BCLAF3: variants seen among roughly 807,000 people sequenced by gnomAD.
BCLAF3 encodes transient octamer binding factor 1.
In BCLAF3, 24 loss-of-function variants were observed where a neutral mutation model predicts 51.2. The observed-to-expected ratio is 0.47, with a 90% CI of 0.34 to 0.66. The LOEUF (loss-of-function observed/expected upper bound fraction) is 0.66, where lower values mean the gene tolerates loss of function less well. BCLAF3 is among the 30% of genes least tolerant of loss of function. The pLI is 0.01. For synonymous variants in BCLAF3, 152 were observed against 176.6 expected (o/e 0.86, Z 1.10); for missense variants, 465 against 525.1 (o/e 0.89, Z 1.12).
chrX:19,935,661 C>T, intron 10 of BCLAF3, 148 bp downstream of exon 10: 2 of 484,451 alleles, frequency 4.1e-6, no homozygotes, highest in East Asian at 3.5e-5. Flanking sequence ...AAATTGGTTA[C>T]AGTTAACTAT....
At chrX:19,938,192 C>T (rs767142092) in intron 8 of BCLAF3, among the ~76,000 whole-genome samples, 4 of 111,058 alleles carry the variant, frequency 3.6e-5, no homozygotes, top group African/African-American at 6.5e-5. Flanking sequence ...GATTCCTCTC[C>T]GTGTCACATC....
chrX:19,944,102 C>G (rs1413121807), intron 8 of BCLAF3, among the ~76,000 whole-genome samples: 39 of 54,626 alleles, frequency 7.1e-4, no homozygotes, highest in Non-Finnish European at 1.1e-3. Flanking sequence ...GCAACCCCTG[C>G]CTTTTTTTGT....
chrX:19,938,338 CT>C (rs1457829163), intron 8 of BCLAF3, among the ~76,000 whole-genome samples: 1 of 111,579 alleles, frequency 9.0e-6, no homozygotes, highest in African/African-American at 3.3e-5. Flanking sequence ...GCCCTTTCTG[CT>C]CTGGCCCTTG....
chrX:19,978,752 CTTATTTATTT>C (rs1461205547), intron 1 of BCLAF3, among the ~76,000 whole-genome samples: 2 of 91,154 alleles, frequency 2.2e-5, no homozygotes, highest in Non-Finnish European at 2.1e-5. Flanking sequence ...AGAGAAATCT[CTTATTTATTT>C]TTTTTTTGTC....
intron 4 of BCLAF3, among the ~76,000 whole-genome samples, chrX:19,964,714 T>C (rs191015780): frequency 9.0e-6 from 1 of 111,695 alleles, no homozygotes; most frequent in African/African-American, 3.2e-5. Context: ...GACTAGGTTT[T>C]CTTGAACTCT....
At chrX:19,933,252 T>C (rs760897592) in intron 10 of BCLAF3, among the ~76,000 whole-genome samples, 1 of 112,335 alleles carries the variant, frequency 8.9e-6, no homozygotes, top group Non-Finnish European at 1.9e-5. Context: ...TCCTAATATA[T>C]AGACATCTAA....
chrX:19,918,727 G>A (rs2070020033), intron 11 of BCLAF3, among the ~76,000 whole-genome samples: 1 of 107,344 alleles, frequency 9.3e-6, no homozygotes, highest in Non-Finnish European at 1.9e-5. Context: ...TTTTTGTAGA[G>A]ACAAGGTTTT....
intron 9 of BCLAF3, among the ~76,000 whole-genome samples, chrX:19,936,290 C>T (rs1459738645): frequency 1.8e-5 from 2 of 111,855 alleles, no homozygotes; most frequent in African/African-American, 6.5e-5. Context: ...AATACAAATC[C>T]TCAACATTGC....
intron 1 of BCLAF3, among the ~76,000 whole-genome samples, chrX:19,974,098 C>T (rs1033703729): frequency 2.7e-5 from 3 of 111,505 alleles, no homozygotes; most frequent in African/African-American, 9.8e-5. Flanking sequence ...CGCCAAAATC[C>T]GTGCATATCC....
intron 8 of BCLAF3, among the ~76,000 whole-genome samples, chrX:19,940,503 G>A (rs2070980670): frequency 9.1e-6 from 1 of 110,284 alleles, no homozygotes; most frequent in Non-Finnish European, 1.9e-5. Flanking sequence ...TCCCACCTAT[G>A]AGTGAGAATA....
chrX:19,982,290 A>G (rs2072636199), intron 1 of BCLAF3, among the ~76,000 whole-genome samples: 1 of 110,294 alleles, frequency 9.1e-6, no homozygotes, highest in African/African-American at 3.3e-5. Flanking sequence ...AACAACAACA[A>G]CAAACAAACA....
chrX:19,988,671 T>C (rs2072873547), intron 1 of BCLAF3, among the ~76,000 whole-genome samples: 1 of 112,385 alleles, frequency 8.9e-6, no homozygotes, highest in African/African-American at 3.2e-5. Flanking sequence ...TGTCTAAATG[T>C]ACTTTCCAGG....
intron 1 of BCLAF3, among the ~76,000 whole-genome samples, chrX:19,987,679 T>C (rs1569511509): frequency 8.9e-6 from 1 of 112,397 alleles, no homozygotes; most frequent in East Asian, 2.8e-4. Context: ...CAGTGACTGC[T>C]AGGGGGTAGG....
chrX:19,958,000 C>T (rs1004941164), intron 4 of BCLAF3, among the ~76,000 whole-genome samples: 1 of 111,306 alleles, frequency 9.0e-6, no homozygotes, highest in Non-Finnish European at 1.9e-5. Flanking sequence ...TCAGGAAATA[C>T]CCCCAAAGCA....
At chrX:19,922,745 A>G (rs1225203182) in intron 11 of BCLAF3, among the ~76,000 whole-genome samples, 2 of 111,069 alleles carry the variant, frequency 1.8e-5, no homozygotes, top group Non-Finnish European at 3.8e-5. Flanking sequence ...CAAAAAATAT[A>G]AAAACTTAGC....
At chrX:19,947,231 C>T (rs1312395352) in intron 8 of BCLAF3, among the ~76,000 whole-genome samples, 1 of 112,166 alleles carries the variant, frequency 8.9e-6, no homozygotes, top group African/African-American at 3.2e-5. Context: ...GACAGTCTGT[C>T]GTTCCAACTC....
intron 11 of BCLAF3, among the ~76,000 whole-genome samples, chrX:19,919,856 CAAAAAAAAAAA>C (rs763184612): frequency 3.0e-5 from 1 of 33,633 alleles, no homozygotes; most frequent in Non-Finnish European, 5.4e-5. Flanking sequence ...GACTTCGTCT[CAAAAAAAAAAA>C]AAAAAAAAAA....
chrX:19,969,048 G>A (rs2072166069), intron 2 of BCLAF3, among the ~76,000 whole-genome samples: 2 of 112,089 alleles, frequency 1.8e-5, no homozygotes, highest in Admixed American at 1.9e-4. Flanking sequence ...GGGAGACGGA[G>A]CTTGCAGTGA....
chrX:19,954,284 C>T (rs1188159454), intron 5 of BCLAF3: 27 of 578,883 alleles, frequency 4.7e-5, no homozygotes, highest in Non-Finnish European at 5.4e-5. Flanking sequence ...AAGCCTGAAA[C>T]ATCAAAACAA....
Sources: gnomAD v4.1 joint callset for allele counts (sites outside exome capture counted in the v4.1 genomes callset) on GRCh38, gnomAD v4.1.1 for gene constraint, MANE v1.5 for transcripts, NCBI Gene and HGNC (gene_info 2026-07-23, HGNC 2026-07-21) for gene names.